Variants in POTEF observed in about 807,000 individuals in gnomAD.
The protein encoded by POTEF is ANKRD26-like family C member 1B.
A neutral mutation model predicts 83.2 loss-of-function variants in POTEF; 20 were observed. The observed-to-expected ratio is 0.24, with a 90% CI of 0.17 to 0.35. POTEF has a LOEUF of 0.35. Ranked by LOEUF, POTEF falls within the 10% of genes least tolerant of loss-of-function variation. The pLI is 1.00. For missense variants in POTEF, 550 were observed against 1,203.2 expected, an observed-to-expected ratio of 0.46 and a Z score of 8.03; for synonymous variants, 196 against 446.4, an observed-to-expected ratio of 0.44 and a Z score of 7.07.
At chr2:130,124,482 T>A (rs573906940) in intron 2 of POTEF, among the ~76,000 whole-genome samples, 12 of 135,178 alleles carry the variant, frequency 8.9e-5, no homozygotes, top group Non-Finnish European at 1.9e-4. Flanking sequence ...TTAGTCATTC[T>A]ACTTTAGGAC....
intron 5 of POTEF, among the ~76,000 whole-genome samples, chr2:130,113,341 C>CAAA (rs3030046): frequency 2.5e-5 from 2 of 80,968 alleles, no homozygotes; most frequent in African/African-American, 1.0e-4. Flanking sequence ...GACCCCATCT[C>CAAA]AAAAAAAAAA....
intron 8 of POTEF, among the ~76,000 whole-genome samples, chr2:130,105,259 T>C (rs1237456692): frequency 1.3e-5 from 2 of 150,912 alleles, no homozygotes; most frequent in Non-Finnish European, 2.9e-5. Flanking sequence ...ATTTCTTACA[T>C]AAAAAAAATT....
At chr2:130,109,969 G>A (rs538854106) in intron 7 of POTEF, among the ~76,000 whole-genome samples, 1 of 150,902 alleles carries the variant, frequency 6.6e-6, no homozygotes, top group Non-Finnish European at 1.5e-5. Flanking sequence ...AGACTTGAGG[G>A]ATCTGAATCT....
In POTEF at chr2:130,120,196, G is replaced by A. The variant is rs754072547; in HGVS notation, c.320C>T (p.Pro107Leu). 2 of 1,597,888 alleles carry A rather than the reference G, an allele frequency of 1.3e-6. No homozygotes were observed. Among genetic ancestry groups the A allele is most frequent in the Non-Finnish European group, 1.7e-6 (2 of 1,174,534 alleles). The change falls in exon 3 of 17, where the codon CCC becomes CTC. Residue 107 changes from proline (P) to leucine (L), a missense_variant. Pro to Leu is a moderately conservative substitution (Grantham distance 98, BLOSUM62 -3). Coordinates refer to ENST00000409914, the MANE Select transcript of POTEF (RefSeq NM_001099771.2). ...KMGKWCCHCF[P>L]CCRGSSKSKV... ...GCTCTTGCTGCTCCCCCTGCAGCAG[G>A]GGAAGCAGTGGCAGCACCACTTGCC... is the stretch of plus-strand genomic sequence containing the variant.
At chr2:130,095,018 T>A (rs1420922206) in intron 11 of POTEF, among the ~76,000 whole-genome samples, 1 of 150,870 alleles carries the variant, frequency 6.6e-6, no homozygotes, top group African/African-American at 2.4e-5. Flanking sequence ...GAAAGAACCA[T>A]GTCAAACTTT....
Position 130,120,109 on chromosome 2 carries a change from C to T in POTEF, c.407G>A (p.Arg136His), listed in dbSNP as rs761566892. 3.9e-5 allele frequency: 63 copies of T among 1,607,240 alleles called. No individual in the cohort carries two copies. Among genetic ancestry groups the T allele is most frequent in the Middle Eastern group, 2.2e-4 (1 of 4,642 alleles). Reference sequence around the variant, plus strand: ...GTGGAGCTTGTCCAGATCTTCTCCACGGACGTGGTACCTGGGCTCCATGAA... The same window carrying T: ...GTGGAGCTTGTCCAGATCTTCTCCATGGACGTGGTACCTGGGCTCCATGAA... ...SAFMEPRYHV[R>H]GEDLDKLHRA... Residue 136 changes from arginine (R) to histidine (H), a missense_variant, in exon 3 of 17, where the codon CGT (arginine) becomes CAT (histidine). Transcript: ENST00000409914.
At chr2:130,115,774 T>C (rs1391392944) in intron 3 of POTEF, among the ~76,000 whole-genome samples, 1 of 152,192 alleles carries the variant, frequency 6.6e-6, no homozygotes, top group African/African-American at 2.4e-5. Flanking sequence ...TTTTTACTAA[T>C]ACCACTAAAG....
At chr2:130,106,938 T>TATA (rs1254256710) in intron 8 of POTEF, among the ~76,000 whole-genome samples, 4 of 150,018 alleles carry the variant, frequency 2.7e-5, no homozygotes, top group African/African-American at 1.0e-4. Flanking sequence ...ACAGCTCTAT[T>TATA]ATGAGCACCT....
chr2:130,103,638 T>C (rs920140329), intron 8 of POTEF, among the ~76,000 whole-genome samples: 3 of 150,352 alleles, frequency 2.0e-5, no homozygotes, highest in Non-Finnish European at 4.4e-5. Flanking sequence ...AATTTCTTAT[T>C]GAGTCCTGCT....
At chr2:130,107,499 T>G (rs1035958229) in intron 8 of POTEF, among the ~76,000 whole-genome samples, 2 of 151,056 alleles carry the variant, frequency 1.3e-5, no homozygotes, top group Non-Finnish European at 2.9e-5. Context: ...GTCCATGGAC[T>G]ATTATGAACC....
chr2:130,122,648 T>C (rs1179045675), intron 2 of POTEF, among the ~76,000 whole-genome samples: 3 of 151,546 alleles, frequency 2.0e-5, no homozygotes, highest in Non-Finnish European at 2.9e-5. Flanking sequence ...ATTTTGACAA[T>C]ATTAATTTTT....
rs1032080960 is a variant in POTEF at position 130,075,089 on chromosome 2, G to A, written c.2383C>T (p.Arg795Cys). 6.8e-6 allele frequency: 11 copies of A among 1,613,684 alleles called. No homozygotes were observed. The highest frequency in any genetic ancestry group is 2.2e-5 in the South Asian group (2 of 91,080). ...IWHHTFYNEL[R>C]VAPEEHPVLL... ...ACGGGGTGCTCCTCGGGAGCCACAC[G>A]CAGCTCGTTGTAGAAGGTGTGGTGC... is the stretch of plus-strand genomic sequence containing the variant. The change falls in exon 17 of 17, where the codon CGT becomes TGT. Residue 795 changes from arginine (R) to cysteine (C), a missense_variant. Physicochemically the swap from Arg to Cys is radical, Grantham distance 180. Transcript: ENST00000409914.
In POTEF at chr2:130,102,117, T is replaced by G; in HGVS notation, c.1190A>C (p.Gln397Pro). Residue 397 changes from glutamine to proline, a missense_variant, in exon 9 of 17, where the codon CAG becomes CCG. Gln to Pro is a moderately conservative substitution (Grantham distance 76, BLOSUM62 -1). Coordinates refer to ENST00000409914, the MANE Select transcript of POTEF (RefSeq NM_001099771.2). ...SQRFKGSENS[Q>P]PEKMSQEPEI... ...ATTTAAAATTTTCCATGCCTCTGGC[T>G]GGCTATTTTCACTGCCTTTGAACCT... The G allele has an allele frequency of 6.2e-7, 1 of 1,608,156 alleles. No homozygotes were observed.
chr2:130,117,307 C>T (rs1684869043), intron 3 of POTEF, among the ~76,000 whole-genome samples: 1 of 151,776 alleles, frequency 6.6e-6, no homozygotes, highest in African/African-American at 2.4e-5. Flanking sequence ...CGGAAGATAG[C>T]CAACCACAGA....
chr2:130,097,826 TGA>T (rs1684284475), intron 11 of POTEF, among the ~76,000 whole-genome samples: 1 of 142,298 alleles, frequency 7.0e-6, no homozygotes, highest in Non-Finnish European at 1.5e-5. Context: ...AAAAATATGG[TGA>T]GGTGAATACT....
chr2:130,075,032 C>A lies in POTEF; in HGVS notation c.2440G>T (p.Ala814Ser), dbSNP rs1683743817. 6.2e-7 allele frequency: 1 copy of A among 1,613,564 alleles called. No homozygotes were observed. Among genetic ancestry groups the A allele is most frequent in the Non-Finnish European group, 8.5e-7 (1 of 1,179,934 alleles). ...LLTEATLNPKANREKMTQIMF... is the reference protein window; with the variant it reads ...LLTEATLNPKSNREKMTQIMF... ...ATCTGGGTCATCTTCTCGCGGTTGGCCTTAGGGTTCAGGGTGGCCTCGGTC... is the reference window on the plus strand; with the variant it reads ...ATCTGGGTCATCTTCTCGCGGTTGGACTTAGGGTTCAGGGTGGCCTCGGTC... Residue 814 changes from alanine (A) to serine (S), a missense_variant, in exon 17 of 17, where the codon GCC becomes TCC. Ala to Ser is a moderately conservative substitution (Grantham distance 99). Transcript: ENST00000409914.
At position 130,078,372 on chromosome 2, in the gene POTEF, T is replaced by C. The variant is rs2599808; in HGVS notation, c.1779-1171A>G. On this transcript the variant is annotated intron_variant, in intron 15 of 16. Transcript: ENST00000409914. ...ACAGTGGCTGCAAAAAGGTGTGAAG[T>C]ACCTAGGAATATACTTAATGAAAAA... Among the ~76,000 whole-genome samples, 31 of 90,480 alleles carry C rather than the reference T, an allele frequency of 3.4e-4. 12 individuals carry two copies. The Admixed American group carries it at 4.0e-3, about 12-fold the overall frequency. 59.4% of individuals were successfully genotyped at this position (90,480 alleles called of 152,430 possible).
chr2:130,122,099 CTTTCA>C (rs1685014257), intron 2 of POTEF, among the ~76,000 whole-genome samples: 1 of 148,582 alleles, frequency 6.7e-6, no homozygotes, highest in Non-Finnish European at 1.5e-5. Flanking sequence ...TGACTTACTA[CTTTCA>C]TTTATCATGT....
chr2:130,109,113 A>C (rs1684632105), intron 7 of POTEF: 1 of 151,244 alleles, frequency 6.6e-6, no homozygotes, highest in Non-Finnish European at 1.5e-5. Flanking sequence ...TCACAATTTC[A>C]ATATTTGGGT....
Sources: gnomAD v4.1 joint callset for allele counts (sites outside exome capture counted in the v4.1 genomes callset) on GRCh38, gnomAD v4.1.1 for gene constraint, MANE v1.5 for transcripts, NCBI Gene and HGNC (gene_info 2026-07-23, HGNC 2026-07-21) for gene names.